The following YTHDF3 variants were observed in gnomAD, a reference collection of about 807,000 sequenced individuals.
The protein encoded by YTHDF3 is YTH N6-methyladenosine RNA binding protein F3.
Under a neutral mutation model 52.5 loss-of-function variants are expected in YTHDF3, and 9 were observed. The ratio of observed to expected loss-of-function variants is 0.17; its 90% CI spans 0.10 to 0.30. YTHDF3 has a LOEUF of 0.30. Among genes scored for constraint, YTHDF3 ranks in the 10% least tolerant of loss-of-function variants. The pLI, the probability that YTHDF3 is intolerant of heterozygous loss-of-function variation, is 1.00. For synonymous variants in YTHDF3, 274 were observed against 243.3 expected, an observed-to-expected ratio of 1.13 and a Z score of -1.18; for missense variants, 534 against 715.0, an observed-to-expected ratio of 0.75 and a Z score of 2.89.
chr8:63,209,584 G>A (rs1810254748), intron 4 of YTHDF3, 99 bp from the exon 5 acceptor site: 1 of 1,165,662 alleles, frequency 8.6e-7, no homozygotes, highest in Non-Finnish European at 1.2e-6. Flanking sequence ...ACTTTATATG[G>A]AGATGATTTA....
chr8:63,175,215 C>G, intron 2 of YTHDF3, 116 bp from the exon 3 acceptor site: 1 of 679,690 alleles, frequency 1.5e-6, no homozygotes, highest in Non-Finnish European at 2.5e-6. Context: ...TTAAAAATAA[C>G]TCAGTATTAT....
chr8:63,209,357 T>G (rs1810240080), intron 4 of YTHDF3, among the ~76,000 whole-genome samples: 1 of 152,174 alleles, frequency 6.6e-6, no homozygotes, highest in Non-Finnish European at 1.5e-5. Flanking sequence ...TTAGTCTGTT[T>G]GACACCTCAA....
chr8:63,169,608 A>G (rs547991960), intron 2 of YTHDF3, 197 bp downstream of exon 2: 1 of 594,630 alleles, frequency 1.7e-6, no homozygotes, highest in African/African-American at 1.9e-5. Flanking sequence ...CTTTATAGAA[A>G]CCAAAGTAGT....
At chr8:63,178,579 A>G (rs973313741) in intron 3 of YTHDF3, among the ~76,000 whole-genome samples, 2 of 152,204 alleles carry the variant, frequency 1.3e-5, no homozygotes, top group African/African-American at 2.4e-5. Context: ...GAGAAGTTGT[A>G]AAGTTTGATT....
chr8:63,174,950 T>C (rs919337004), intron 2 of YTHDF3, among the ~76,000 whole-genome samples: 1 of 152,212 alleles, frequency 6.6e-6, no homozygotes, highest in Non-Finnish European at 1.5e-5. Flanking sequence ...AGAAATCTTT[T>C]TTATTGCCTA....
At chr8:63,186,027 A>C in intron 3 of YTHDF3, 120 bp from the exon 4 acceptor site, 1 of 1,091,550 alleles carries the variant, frequency 9.2e-7, no homozygotes, top group Non-Finnish European at 1.3e-6. Context: ...TTGTTTATCT[A>C]GAATAGGTAC....
intron 4 of YTHDF3, among the ~76,000 whole-genome samples, chr8:63,201,717 T>C (rs918326232): frequency 2.0e-5 from 3 of 152,178 alleles, no homozygotes; most frequent in Non-Finnish European, 2.9e-5. Context: ...AGAAATAACT[T>C]GAGGGAATTA....
chr8:63,168,592 G>A, upstream of YTHDF3: 1 of 561,198 alleles, frequency 1.8e-6, no homozygotes, highest in Non-Finnish European at 3.1e-6. Flanking sequence ...AGTGGAGAGC[G>A]GAAGGTCAGG....
At chr8:63,173,750 C>T in intron 2 of YTHDF3, 1 of 924,024 alleles carries the variant, frequency 1.1e-6, no homozygotes. Flanking sequence ...TAACCTAAGG[C>T]ACCCTCTTTA....
intron 3 of YTHDF3, among the ~76,000 whole-genome samples, chr8:63,177,869 T>G (rs890157105): frequency 1.3e-5 from 2 of 152,038 alleles, no homozygotes; most frequent in African/African-American, 4.8e-5. Context: ...GAAATTTTCC[T>G]GCCTCAGCCT....
At chr8:63,200,652 T>C (rs914064936) in intron 4 of YTHDF3, among the ~76,000 whole-genome samples, 1 of 152,166 alleles carries the variant, frequency 6.6e-6, no homozygotes, top group African/African-American at 2.4e-5. Context: ...GTACCTGATT[T>C]GAATTTATGG....
intron 4 of YTHDF3, chr8:63,189,107 TA>T (rs1004357153): frequency 3.9e-5 from 6 of 152,236 alleles, no homozygotes; most frequent in African/African-American, 1.4e-4. Flanking sequence ...ATTTGATTCC[TA>T]ATTCTGTTAT....
At chr8:63,173,202 T>TTATATATTTATATATATATATATATA (rs1807447523) in intron 2 of YTHDF3, among the ~76,000 whole-genome samples, 2 of 125,886 alleles carry the variant, frequency 1.6e-5, no homozygotes, top group East Asian at 2.7e-4. Flanking sequence ...AGGATTATAT[T>TTATATATTTATATATATATATATATA]TATATATATA....
At chr8:63,190,957 C>A (rs565543055) in intron 4 of YTHDF3, among the ~76,000 whole-genome samples, 1 of 152,166 alleles carries the variant, frequency 6.6e-6, no homozygotes, top group East Asian at 1.9e-4. Context: ...TATTTATTAG[C>A]AAGCCTTTAG....
chr8:63,186,526 G>C lies in YTHDF3; in HGVS notation c.515G>C (p.Gly172Ala). 6 of 1,614,024 alleles carry C rather than the reference G, an allele frequency of 3.7e-6. No homozygotes were observed. The highest frequency in any genetic ancestry group is 5.1e-6 in the Non-Finnish European group (6 of 1,179,888). ...AGAGCTATTACTGATGGACAGGCTGGATTTGGCAATGATACTTTGAGTAAG... is the reference window on the plus strand; with the variant it reads ...AGAGCTATTACTGATGGACAGGCTGCATTTGGCAATGATACTTTGAGTAAG... ...LGRAITDGQA[G>A]FGNDTLSKVP... Residue 172 changes from glycine to alanine, a missense_variant, in exon 4 of 5, where the codon GGA (glycine) becomes GCA (alanine). Transcript: ENST00000539294.
chr8:63,183,355 C>T (rs1808280544), intron 3 of YTHDF3, among the ~76,000 whole-genome samples: 2 of 151,906 alleles, frequency 1.3e-5, no homozygotes, highest in African/African-American at 4.8e-5. Flanking sequence ...ATCACAGTGA[C>T]TTTTTGTCAG....
At position 63,184,493 on chromosome 8, in the gene YTHDF3, C is replaced by G. The variant is rs1358442778; in HGVS notation, c.136-1654C>G. 2.0e-5 allele frequency among the ~76,000 whole-genome samples: 3 copies of G among 152,300 alleles called. No individual in the cohort carries two copies. In the East Asian group the frequency reaches 5.8e-4, roughly 29 times the overall value. On this transcript the variant is annotated intron_variant, in intron 3 of 4. Coordinates refer to ENST00000539294, the MANE Select transcript of YTHDF3 (RefSeq NM_152758.6). The stretch of plus-strand genomic sequence containing the variant: ...CTTTCTCATAGACAGTAGACAGTTA[C>G]AAGAGTTAGATGGGTATACCACAGG...
rs1252518797 is a variant in YTHDF3, at chr8:63,168,723, C to A, written c.-155C>A. The A allele has an allele frequency of 3.4e-6, 5 of 1,455,832 alleles. No individual in the cohort carries two copies. The highest frequency in any genetic ancestry group is 4.7e-6 in the Non-Finnish European group (5 of 1,070,492). The allele number at this position is 1,455,832 out of a possible 1,614,324, so 90.2% of individuals were successfully genotyped here. ...AAGACGGGCCTCTTCCTCCGACTCC[C>A]GAGCGCGAGGCCCTCATTTTGGGTT... On this transcript the variant is annotated 5_prime_UTR_variant, in exon 1 of 5. Transcript: ENST00000539294.
chr8:63,184,954 T>C (rs2130074515), intron 3 of YTHDF3, among the ~76,000 whole-genome samples: 1 of 152,208 alleles, frequency 6.6e-6, no homozygotes, highest in East Asian at 1.9e-4. Context: ...TCCTCATCTC[T>C]ACAAAAAATA....
Sources: allele counts gnomAD v4.1 joint callset (sites outside exome capture counted in the v4.1 genomes callset), GRCh38; gene constraint gnomAD v4.1.1; transcripts MANE v1.5; gene names NCBI Gene and HGNC (gene_info 2026-07-23, HGNC 2026-07-21).